Variants in ZNF208 observed in about 807,000 individuals in gnomAD.
ZNF208 encodes zinc finger protein 95.
In ZNF208, 10 loss-of-function variants were observed where a neutral mutation model predicts 12.1. That is an observed-to-expected ratio of 0.83 (90% CI 0.51 to 1.40). The LOEUF (loss-of-function observed/expected upper bound fraction) is 1.40. Among genes scored for constraint, ZNF208 ranks in the 40% most tolerant of loss-of-function variants. The pLI is 0.00. For missense variants in ZNF208, 1,652 were observed against 1,485.0 expected (o/e 1.11, Z -1.85); for synonymous variants, 497 against 488.4 (o/e 1.02, Z -0.23).
In ZNF208 at chr19:21,967,369, T is replaced by C. The variant is rs1161435775; in HGVS notation, c.*3822A>G. 1.3e-5 allele frequency: 2 copies of C among 152,136 alleles called. No individual in the cohort carries two copies. The highest frequency in any genetic ancestry group is 2.4e-5 in the African/African-American group (1 of 41,462). The allele number at this position is 152,136 out of a possible 1,614,324, so 9.4% of individuals were successfully genotyped here. On this transcript the variant is annotated 3_prime_UTR_variant, in exon 4 of 4. Coordinates refer to ENST00000397126, the MANE Select transcript of ZNF208 (RefSeq NM_007153.3). ...AACCTGATTGCAAAGTATAGCTTAA[T>C]TCAGTACTCTCTCTTCCATTTCATT...
intron 2 of ZNF208, among the ~76,000 whole-genome samples, 179 bp from the exon 3 acceptor site, chr19:21,987,490 AT>A (rs1376775981): frequency 2.2e-4 from 34 of 152,220 alleles, no homozygotes; most frequent in Non-Finnish European, 4.3e-4. Flanking sequence ...CCATAAAAAT[AT>A]GGGACAATAT....
chr19:21,942,410 T>G (rs2079062), intron 4 of ZNF208, among the ~76,000 whole-genome samples: 85,858 of 151,952 alleles, frequency 0.57, 24,507 homozygotes, highest in East Asian at 0.69. Context: ...TTTTATTTTA[T>G]AAACAGTGTA....
At chr19:21,960,643 T>C (rs971485650) in intron 4 of ZNF208, among the ~76,000 whole-genome samples, 8 of 152,018 alleles carry the variant, frequency 5.3e-5, no homozygotes, top group African/African-American at 1.4e-4. Flanking sequence ...GATTGCAGGG[T>C]CACCCCACCT....
At chr19:22,008,873 C>G (rs776854836) in intron 1 of ZNF208, among the ~76,000 whole-genome samples, 2 of 152,126 alleles carry the variant, frequency 1.3e-5, no homozygotes, top group Non-Finnish European at 2.9e-5. Context: ...AGAAGAGAGG[C>G]TACACTGTGT....
Position 21,987,320 on chromosome 19 carries a change from T to C in ZNF208, c.131-9A>G. On this transcript the variant is annotated splice_polypyrimidine_tract_variant and intron_variant, in intron 2 of 3. Coordinates refer to ENST00000397126, the MANE Select transcript of ZNF208 (RefSeq NM_007153.3). ...CTTAAAGGCAGCAATACCTGTTTTA[T>C]TAAAAATGAACAACATGCTTCTTGC... 1 of 1,602,046 alleles carries C rather than the reference T, an allele frequency of 6.2e-7. No homozygotes were observed. The highest frequency in any genetic ancestry group is 8.5e-7 in the Non-Finnish European group (1 of 1,175,424).
chr19:22,006,807 A>G (rs1405645291), intron 1 of ZNF208, among the ~76,000 whole-genome samples: 1 of 152,226 alleles, frequency 6.6e-6, no homozygotes, highest in Non-Finnish European at 1.5e-5. Context: ...AACAGTGTTC[A>G]TATAAGAAAA....
At chr19:21,958,541 T>C (rs79846980) in intron 4 of ZNF208, among the ~76,000 whole-genome samples, 23,340 of 152,178 alleles carry the variant, frequency 0.15, 1,928 homozygotes, top group Middle Eastern at 0.2. Flanking sequence ...CTACCAGTTA[T>C]CAGGGTGTGT....
chr19:21,996,958 C>T (rs1016526728), intron 1 of ZNF208, among the ~76,000 whole-genome samples: 10 of 152,182 alleles, frequency 6.6e-5, no homozygotes, highest in African/African-American at 2.4e-4. Context: ...CACAGCACAA[C>T]TGTGAATTGA....
rs988424997 is a variant in ZNF208 at position 21,971,060 on chromosome 19, A to C, written c.*131T>G. The C allele has an allele frequency of 3.1e-6, 5 of 1,609,934 alleles. No individual in the cohort carries two copies. The highest frequency in any genetic ancestry group is 4.2e-6 in the Non-Finnish European group (5 of 1,177,722). ...TCCAGTATGAATTCTCTTATGTTCC[A>C]TAAGGTTTGAGGACCAGTTGAAAGC... On this transcript the variant is annotated 3_prime_UTR_variant, in exon 4 of 4. Transcript: ENST00000397126.
intron 3 of ZNF208, among the ~76,000 whole-genome samples, chr19:21,979,514 A>G (rs1427686902): frequency 6.6e-6 from 1 of 152,242 alleles, no homozygotes; most frequent in African/African-American, 2.4e-5. Flanking sequence ...AATCCTTTAC[A>G]GATAAGCAAA....
At position 21,974,702 on chromosome 19, in the gene ZNF208, A is replaced by G; in HGVS notation, c.332T>C (p.Leu111Ser). 6.2e-7 allele frequency: 1 copy of G among 1,613,658 alleles called. No homozygotes were observed. Among genetic ancestry groups the G allele is most frequent in the Non-Finnish European group, 8.5e-7 (1 of 1,179,760 alleles). Residue 111 changes from leucine (L) to serine (S), a missense_variant, in exon 4 of 4, where the codon TTA (leucine) becomes TCA (serine). Leu to Ser is a moderately radical substitution (Grantham distance 145). Transcript: ENST00000397126. Reference protein sequence around the residue: ...RRYEKCGHENLHLKIGYTNVD... With the variant: ...RRYEKCGHENSHLKIGYTNVD... ...ATTGGTATAACCAATTTTTAAGTGT[A>G]AATTCTCATGTCCACATTTTTCATA... is the stretch of plus-strand genomic sequence containing the variant.
rs138605110 is a variant in ZNF208 at position 21,988,132 on chromosome 19, T to G, written c.130+651A>C. ...GTGGTTGCCAGTAAACTTTTGAAAT[T>G]ACCATTAATCTAAAGTGAAGGACAC... is the stretch of plus-strand genomic sequence containing the variant. On this transcript the variant is annotated intron_variant, in intron 2 of 3. Coordinates refer to ENST00000397126, the MANE Select transcript of ZNF208 (RefSeq NM_007153.3). 3.3e-4 allele frequency among the ~76,000 whole-genome samples: 50 copies of G among 152,308 alleles called. No individual in the cohort carries two copies. In the East Asian group the frequency reaches 8.5e-3, roughly 26 times the overall value.
chr19:22,009,613 G>T (rs1971105369), intron 1 of ZNF208: 1 of 152,152 alleles, frequency 6.6e-6, no homozygotes, highest in Non-Finnish European at 1.5e-5. Flanking sequence ...AGGGCATGGT[G>T]GTGCATGCCT....
Position 21,982,122 on chromosome 19 carries a change from C to T in ZNF208, c.226+5094G>A, listed in dbSNP as rs1970550028. ...TCTGTAATCCCACCATTTTGGGAGGCCGAGACGGGTGGATCATGAGGTCAG... is the reference window on the plus strand; with the variant it reads ...TCTGTAATCCCACCATTTTGGGAGGTCGAGACGGGTGGATCATGAGGTCAG... On this transcript the variant is annotated intron_variant, in intron 3 of 3. Coordinates refer to ENST00000397126, the MANE Select transcript of ZNF208 (RefSeq NM_007153.3). Among the ~76,000 whole-genome samples, 11 of 152,138 alleles carry T rather than the reference C, an allele frequency of 7.2e-5. 1 individual carries two copies. In the South Asian group the frequency reaches 2.3e-3, roughly 32 times the overall value.
intron 4 of ZNF208, among the ~76,000 whole-genome samples, chr19:21,949,913 A>C (rs1969865347): frequency 6.6e-6 from 1 of 152,190 alleles, no homozygotes; most frequent in Admixed American, 6.5e-5. Flanking sequence ...CTCTGACTAA[A>C]AACCACTTCC....
chr19:21,994,468 G>T (rs1221032078), intron 1 of ZNF208, among the ~76,000 whole-genome samples: 3 of 152,290 alleles, frequency 2.0e-5, no homozygotes, highest in South Asian at 4.1e-4. Context: ...CTCCAAAAAA[G>T]GGTGAATATG....
At chr19:21,976,082 T>C (rs1053358507) in intron 3 of ZNF208, among the ~76,000 whole-genome samples, 30 of 152,016 alleles carry the variant, frequency 2.0e-4, no homozygotes, top group African/African-American at 6.8e-4. Flanking sequence ...AGACAAAAAA[T>C]TGAATTTCTA....
At chr19:22,001,417 CCAGATGTA>C (rs1341121323) in intron 1 of ZNF208, among the ~76,000 whole-genome samples, 2 of 152,094 alleles carry the variant, frequency 1.3e-5, no homozygotes, top group Non-Finnish European at 2.9e-5. Context: ...CTGAATTCTA[CCAGATGTA>C]CAAATAGAAG....
At chr19:21,960,896 A>C (rs1290584969) in intron 4 of ZNF208, among the ~76,000 whole-genome samples, 2 of 152,182 alleles carry the variant, frequency 1.3e-5, no homozygotes, top group Non-Finnish European at 2.9e-5. Context: ...AAATGCAGAA[A>C]AGAAAGCAAC....
Sources: allele counts gnomAD v4.1 joint callset (sites outside exome capture counted in the v4.1 genomes callset), GRCh38; gene constraint gnomAD v4.1.1; transcripts MANE v1.5; gene names NCBI Gene and HGNC (gene_info 2026-07-23, HGNC 2026-07-21).